Variants in PDE4DIP observed in about 807,000 individuals in gnomAD.
PDE4DIP encodes the protein phosphodiesterase 4D interacting protein.
In PDE4DIP, 59 loss-of-function variants were observed where a neutral mutation model predicts 221.4. The observed-to-expected ratio is 0.27, with a 90% CI of 0.22 to 0.33. The LOEUF is 0.33. PDE4DIP is among the 10% of genes least tolerant of loss of function. The pLI is 1.00. For synonymous variants in PDE4DIP, 404 were observed against 815.9 expected, an observed-to-expected ratio of 0.50 and a Z score of 8.60; for missense variants, 1,036 against 2,154.2, an observed-to-expected ratio of 0.48 and a Z score of 10.28.
At chr1:148,948,780 C>T (rs587630384) in intron 5 of PDE4DIP, among the ~76,000 whole-genome samples, 67 of 151,578 alleles carry the variant, frequency 4.4e-4, no homozygotes, top group Non-Finnish European at 8.8e-4. Flanking sequence ...AAACAAGATA[C>T]AGAACAGCTT....
intron 1 of PDE4DIP, among the ~76,000 whole-genome samples, chr1:148,828,692 A>G (rs371409354): frequency 1.3e-3 from 202 of 149,722 alleles, no homozygotes; most frequent in African/African-American, 4.6e-3. Flanking sequence ...AAATTTACAT[A>G]CCATATTTCT....
chr1:148,989,143 A>G (rs782521827), intron 21 of PDE4DIP: 1 of 315,724 alleles, frequency 3.2e-6, no homozygotes, highest in South Asian at 2.6e-5. Flanking sequence ...TGTATGAGAT[A>G]ACTTACTCTT....
chr1:148,915,214 C>A (rs1366678790), intron 1 of PDE4DIP, among the ~76,000 whole-genome samples: 1 of 152,106 alleles, frequency 6.6e-6, no homozygotes, highest in Non-Finnish European at 1.5e-5. Flanking sequence ...GTGGTGCAAT[C>A]TCGGCTCACT....
chr1:148,978,321 T>C, exon 19 of PDE4DIP: 1 of 1,612,516 alleles, frequency 6.2e-7, no homozygotes, highest in Non-Finnish European at 8.5e-7. Context: ...ATACCAGCTA[T>C]GGAACGCCTG....
At chr1:148,996,120 A>T (rs1246574341) in intron 22 of PDE4DIP, among the ~76,000 whole-genome samples, 3 of 151,968 alleles carry the variant, frequency 2.0e-5, no homozygotes, top group Non-Finnish European at 2.9e-5. Context: ...TTTCTTTTTA[A>T]AGAAAATAGG....
At chr1:148,975,247 G>A (rs79993072) in intron 17 of PDE4DIP, among the ~76,000 whole-genome samples, 4 of 147,018 alleles carry the variant, frequency 2.7e-5, no homozygotes, top group African/African-American at 1.0e-4. Context: ...GCTGCTTAGA[G>A]TTATGACATT....
chr1:148,935,206 C>T (rs1405542079), intron 4 of PDE4DIP, among the ~76,000 whole-genome samples: 2 of 151,480 alleles, frequency 1.3e-5, no homozygotes, highest in Non-Finnish European at 2.9e-5. Flanking sequence ...GAGCAAGACT[C>T]CATCTCAAAA....
chr1:148,820,830 A>ATTATTTAT (rs56760360), intron 1 of PDE4DIP, among the ~76,000 whole-genome samples: 413 of 111,856 alleles, frequency 3.7e-3, no homozygotes, highest in South Asian at 6.0e-3. Context: ...GGATGATCTG[A>ATTATTTAT]TTATTTATTT....
chr1:149,011,356 T>C (rs587705600), intron 31 of PDE4DIP, among the ~76,000 whole-genome samples: 42 of 46,368 alleles, frequency 9.1e-4, no homozygotes, highest in African/African-American at 4.6e-3. Context: ...CTCATTTCCC[T>C]GAAAGCAATT....
At chr1:149,029,678 A>G (rs78741893) in intron 41 of PDE4DIP, 109 bp from the exon 45 acceptor site, 84 of 759,214 alleles carry the variant, frequency 1.1e-4, no homozygotes, top group East Asian at 8.5e-4. Flanking sequence ...ATCCAGTTCA[A>G]GAGAGTTGAG....
chr1:148,986,654 G>C (rs1307957576), intron 21 of PDE4DIP, among the ~76,000 whole-genome samples: 1 of 151,996 alleles, frequency 6.6e-6, no homozygotes, highest in African/African-American at 2.4e-5. Context: ...TTCTCCTCTC[G>C]AAGAAGTGAG....
intron 4 of PDE4DIP, among the ~76,000 whole-genome samples, chr1:148,934,427 G>C (rs2048743282): frequency 6.6e-6 from 1 of 152,122 alleles, no homozygotes; most frequent in African/African-American, 2.4e-5. Flanking sequence ...TTGGAGAGTA[G>C]GAGAACAGAT....
intron 18 of PDE4DIP, 27 bp downstream of exon 21, chr1:148,978,080 T>C: frequency 6.3e-7 from 1 of 1,596,150 alleles, no homozygotes; most frequent in South Asian, 1.1e-5. Flanking sequence ...TAAAGACCAC[T>C]GGAAATGTTC....
chr1:148,815,173 C>T (rs1667407931), intron 1 of PDE4DIP, among the ~76,000 whole-genome samples: 1 of 117,654 alleles, frequency 8.5e-6, no homozygotes. Flanking sequence ...AAGATCCAAA[C>T]CTTTCAAAAT....
chr1:149,028,137 C>G (rs1467019356), intron 40 of PDE4DIP, among the ~76,000 whole-genome samples: 4 of 151,792 alleles, frequency 2.6e-5, no homozygotes, highest in African/African-American at 9.7e-5. Context: ...GTCTGAGCTG[C>G]TGGAGACCCA....
At chr1:149,019,309 T>C (rs1240033743) in intron 35 of PDE4DIP, among the ~76,000 whole-genome samples, 1 of 115,958 alleles carries the variant, frequency 8.6e-6, no homozygotes, top group African/African-American at 3.4e-5. Flanking sequence ...CAATGTATTA[T>C]CGATAACAAA....
At chr1:148,961,267 C>T (rs1553509624) in intron 6 of PDE4DIP, among the ~76,000 whole-genome samples, 3 of 152,182 alleles carry the variant, frequency 2.0e-5, no homozygotes, top group African/African-American at 7.2e-5. Flanking sequence ...AGGACCATGC[C>T]ACTGCACTCA....
At chr1:148,963,601 G>C (rs2057439590) in intron 9 of PDE4DIP, among the ~76,000 whole-genome samples, 1 of 151,362 alleles carries the variant, frequency 6.6e-6, no homozygotes, top group South Asian at 2.1e-4. Flanking sequence ...GGTAAAACCA[G>C]GCAGAAAAGT....
intron 4 of PDE4DIP, among the ~76,000 whole-genome samples, chr1:148,934,585 G>T (rs1422842187): frequency 1.3e-5 from 2 of 152,114 alleles, no homozygotes; most frequent in Non-Finnish European, 2.9e-5. Flanking sequence ...TTTGTATAAT[G>T]TTTTTAATTT....
Sources: gnomAD v4.1 joint callset for allele counts (sites outside exome capture counted in the v4.1 genomes callset) on GRCh38, gnomAD v4.1.1 for gene constraint, MANE v1.5 for transcripts, NCBI Gene and HGNC (gene_info 2026-07-23, HGNC 2026-07-21) for gene names.